The following TET1 variants were observed in gnomAD, a reference collection of about 807,000 sequenced individuals.
TET1 encodes the protein tet methylcytosine dioxygenase 1.
TET1 carries 13 observed loss-of-function variants against 148.7 expected under a neutral mutation model. That is an observed-to-expected ratio of 0.09 (90% CI 0.06 to 0.14). The LOEUF (loss-of-function observed/expected upper bound fraction) is 0.14. Ranked by LOEUF, TET1 falls within the 10% of genes least tolerant of loss-of-function variation. The pLI, the probability that TET1 is intolerant of heterozygous loss-of-function variation, is 1.00. For synonymous variants in TET1, 907 were observed against 937.2 expected, an observed-to-expected ratio of 0.97 and a Z score of 0.59; for missense variants, 2,182 against 2,553.8, an observed-to-expected ratio of 0.85 and a Z score of 3.14.
intron 3 of TET1, among the ~76,000 whole-genome samples, chr10:68,627,191 T>C (rs2054497150): frequency 6.6e-6 from 1 of 152,056 alleles, no homozygotes; most frequent in Admixed American, 6.6e-5. Flanking sequence ...GCGGATCACC[T>C]GAGGTCAGGA....
intron 2 of TET1, among the ~76,000 whole-genome samples, chr10:68,576,259 A>C (rs535555890): frequency 1.9e-3 from 287 of 151,844 alleles, no homozygotes; most frequent in African/African-American, 6.5e-3. Context: ...GCTCAGGCAC[A>C]AGAATCACTT....
intron 3 of TET1, among the ~76,000 whole-genome samples, chr10:68,620,056 T>G (rs2054348086): frequency 6.6e-6 from 1 of 152,018 alleles, no homozygotes; most frequent in Non-Finnish European, 1.5e-5. Flanking sequence ...TAGCCAGGCG[T>G]GGTGGCAGGG....
At chr10:68,657,127 C>T (rs72799527) in intron 6 of TET1, among the ~76,000 whole-genome samples, 27,624 of 151,948 alleles carry the variant, frequency 0.18, 3,125 homozygotes, top group African/African-American at 0.31. Context: ...CACTGGAGCC[C>T]AGTAGTTGGA....
chr10:68,663,001 G>C (rs1164641469), intron 6 of TET1, among the ~76,000 whole-genome samples: 4 of 152,150 alleles, frequency 2.6e-5, no homozygotes, highest in African/African-American at 9.7e-5. Context: ...TCCCTTATTT[G>C]TTTAAAAAAC....
At chr10:68,592,632 T>G (rs562910250) in intron 2 of TET1, among the ~76,000 whole-genome samples, 2 of 152,264 alleles carry the variant, frequency 1.3e-5, no homozygotes, top group South Asian at 4.1e-4. Flanking sequence ...CACACTGGAA[T>G]GTTACCTCAG....
chr10:68,599,679 A>G (rs2054029940), intron 2 of TET1, among the ~76,000 whole-genome samples: 1 of 152,142 alleles, frequency 6.6e-6, no homozygotes, highest in South Asian at 2.1e-4. Context: ...TGGTGCGCAG[A>G]CCGGCCCCAC....
intron 11 of TET1, among the ~76,000 whole-genome samples, chr10:68,690,092 A>T (rs999216222): frequency 6.6e-6 from 1 of 152,240 alleles, no homozygotes; most frequent in Non-Finnish European, 1.5e-5. Flanking sequence ...ATATAGGGTC[A>T]TACAATGCCT....
chr10:68,678,181 C>T (rs1246484481), intron 8 of TET1, among the ~76,000 whole-genome samples: 2 of 152,140 alleles, frequency 1.3e-5, no homozygotes, highest in African/African-American at 4.8e-5. Context: ...GCAAGATGAG[C>T]CAACCATCTA....
At chr10:68,626,523 T>G (rs537861182) in intron 3 of TET1, among the ~76,000 whole-genome samples, 17 of 151,874 alleles carry the variant, frequency 1.1e-4, no homozygotes, top group African/African-American at 4.1e-4. Context: ...ATTGTCTTTT[T>G]CTTTATTTTA....
At chr10:68,673,416 A>G (rs1462427234) in intron 8 of TET1, 1 of 403,160 alleles carries the variant, frequency 2.5e-6, no homozygotes, top group Admixed American at 2.7e-5. Flanking sequence ...CTATGAAAGA[A>G]TTACTAAAGG....
intron 9 of TET1, 130 bp downstream of exon 9, chr10:68,681,618 C>T (rs2055435146): frequency 1.8e-6 from 1 of 544,832 alleles, no homozygotes; most frequent in Non-Finnish European, 3.2e-6. Context: ...ATGCTCCTGC[C>T]TCACCCTCCA....
intron 3 of TET1, among the ~76,000 whole-genome samples, chr10:68,604,567 G>A (rs2132888368): frequency 6.6e-6 from 1 of 152,240 alleles, no homozygotes; most frequent in South Asian, 2.1e-4. Flanking sequence ...GGTGGGTGTG[G>A]GATAAATGCC....
At position 68,591,938 on chromosome 10, in the gene TET1, A is replaced by C. The variant is rs145428948; in HGVS notation, c.1915-9043A>C. ...ACAAACAAACAAACAAACAAACAAA[A>C]ACAGCCTACATAATATCCATTCTCA... On this transcript the variant is annotated intron_variant, in intron 2 of 11. Coordinates refer to ENST00000373644, the MANE Select transcript of TET1 (RefSeq NM_030625.3). 5.9e-4 allele frequency among the ~76,000 whole-genome samples: 89 copies of C among 151,168 alleles called. 2 individuals are homozygous for C. In the East Asian group the frequency reaches 0.017, roughly 28 times the overall value.
At chr10:68,583,971 G>A (rs1306174559) in intron 2 of TET1, among the ~76,000 whole-genome samples, 1 of 151,712 alleles carries the variant, frequency 6.6e-6, no homozygotes, top group Non-Finnish European at 1.5e-5. Context: ...GGTGCTAACA[G>A]CACATAACAA....
intron 2 of TET1, 144 bp downstream of exon 2, chr10:68,574,396 TTTAAG>T: frequency 1.4e-6 from 1 of 702,670 alleles, no homozygotes; most frequent in Non-Finnish European, 2.3e-6. Flanking sequence ...ACAATGTTAC[TTTAAG>T]TTATCCATAA....
At chr10:68,630,096 G>C (rs1232922193) in intron 3 of TET1, among the ~76,000 whole-genome samples, 2 of 152,080 alleles carry the variant, frequency 1.3e-5, no homozygotes, top group Non-Finnish European at 2.9e-5. Flanking sequence ...TATATTTGTT[G>C]AGTGAAGACA....
rs2055583007 is a variant in TET1 at position 68,690,991 on chromosome 10, A to G, written c.5588A>G (p.Lys1863Arg). ...KTASATPAPL[K>R]NDATASCGFS... ...GCTTCAGCCACACCAGCTCCACTGA[A>G]GAATGACGCAACAGCCTCATGCGGG... The change falls in exon 12 of 12, where the codon AAG (lysine) becomes AGG (arginine). Residue 1863 changes from lysine to arginine, a missense_variant. Physicochemically the swap from Lys to Arg is conservative, Grantham distance 26. Coordinates refer to ENST00000373644, the MANE Select transcript of TET1 (RefSeq NM_030625.3). The G allele has an allele frequency of 1.2e-6, 2 of 1,614,096 alleles. No individual in the cohort carries two copies. Among genetic ancestry groups the G allele is most frequent in the South Asian group, 1.1e-5 (1 of 91,084 alleles).
chr10:68,686,204 T>C, intron 10 of TET1, 152 bp from the exon 11 acceptor site: 1 of 650,730 alleles, frequency 1.5e-6, no homozygotes, highest in East Asian at 2.8e-5. Flanking sequence ...GGTGGCTTGA[T>C]ATAAAATAAT....
intron 2 of TET1, among the ~76,000 whole-genome samples, chr10:68,577,222 T>C (rs2053742400): frequency 6.6e-6 from 1 of 151,122 alleles, no homozygotes; most frequent in African/African-American, 2.4e-5. Context: ...AATTTTTGTA[T>C]TTTTAATAGA....
Sources: gnomAD v4.1 joint callset for allele counts (sites outside exome capture counted in the v4.1 genomes callset) on GRCh38, gnomAD v4.1.1 for gene constraint, MANE v1.5 for transcripts, NCBI Gene and HGNC (gene_info 2026-07-23, HGNC 2026-07-21) for gene names.